RYR2: variants seen among roughly 807,000 people sequenced by gnomAD.
The protein encoded by RYR2 is cardiac muscle ryanodine receptor-calcium release channel.
A neutral mutation model predicts 601.1 loss-of-function variants in RYR2; 227 were observed. The observed-to-expected ratio is 0.38, with a 90% CI of 0.34 to 0.42. RYR2 has a LOEUF of 0.42. RYR2 is among the 10% of genes least tolerant of loss of function. The pLI is 1.00. For missense variants in RYR2, 4,646 were observed against 6,156.5 expected (o/e 0.75, Z 8.21); for synonymous variants, 2,223 against 2,175.1 (o/e 1.02, Z -0.61).
At chr1:237,809,146 A>C in intron 100 of RYR2, 111 bp downstream of exon 100, 1 of 1,031,264 alleles carries the variant, frequency 9.7e-7, no homozygotes, top group South Asian at 1.5e-5. Flanking sequence ...AGTCTAAACA[A>C]ATAAAAAGTT....
At chr1:237,776,669 C>T (rs1442379203) in intron 87 of RYR2, among the ~76,000 whole-genome samples, 2 of 151,500 alleles carry the variant, frequency 1.3e-5, no homozygotes, top group African/African-American at 4.9e-5. Context: ...CTTTCCCTTT[C>T]CCCTCCTGAT....
intron 47 of RYR2, among the ~76,000 whole-genome samples, chr1:237,641,538 T>C (rs1681537664): frequency 1.3e-5 from 2 of 151,356 alleles, no homozygotes; most frequent in Non-Finnish European, 2.9e-5. Flanking sequence ...TTTCTTTCTT[T>C]TCTCTCTTTT....
chr1:237,511,643 C>G, intron 23 of RYR2, 45 bp from the exon 24 acceptor site: 1 of 1,410,786 alleles, frequency 7.1e-7, no homozygotes, highest in Non-Finnish European at 9.8e-7. Flanking sequence ...TTGCTAGTGC[C>G]TGGCATTGGA....
At chr1:237,553,973 C>T (rs1670646107) in intron 27 of RYR2, among the ~76,000 whole-genome samples, 1 of 151,866 alleles carries the variant, frequency 6.6e-6, no homozygotes, top group South Asian at 2.1e-4. Flanking sequence ...CTAAACCTCA[C>T]TTTTTCTTTT....
At chr1:237,187,441 G>A (rs6695076) in intron 1 of RYR2, among the ~76,000 whole-genome samples, 756 of 13,768 alleles carry the variant, frequency 0.055, 9 homozygotes, top group African/African-American at 0.11. Context: ...ACGCCCGGCC[G>A]ACTTTTTTTT....
At chr1:237,390,414 C>T (rs1257972775) in intron 10 of RYR2, among the ~76,000 whole-genome samples, 1 of 152,056 alleles carries the variant, frequency 6.6e-6, no homozygotes, top group African/African-American at 2.4e-5. Flanking sequence ...TAAAATGCAG[C>T]TTAAATATTA....
chr1:237,492,027 T>C, intron 18 of RYR2, 103 bp downstream of exon 18: 1 of 645,982 alleles, frequency 1.5e-6, no homozygotes. Flanking sequence ...TTCATGAGTG[T>C]TTTTAATCTC....
intron 3 of RYR2, among the ~76,000 whole-genome samples, chr1:237,349,596 C>T (rs527757060): frequency 1.3e-4 from 20 of 152,212 alleles, no homozygotes; most frequent in Middle Eastern, 3.4e-3. Flanking sequence ...AAATGCATAA[C>T]GATAATAACT....
intron 80 of RYR2, among the ~76,000 whole-genome samples, chr1:237,748,285 G>A (rs1206446369): frequency 1.3e-5 from 2 of 152,134 alleles, no homozygotes; most frequent in Non-Finnish European, 2.9e-5. Flanking sequence ...ATGCATTACA[G>A]AACAGAACAG....
intron 1 of RYR2, among the ~76,000 whole-genome samples, chr1:237,108,129 T>C (rs754171037): frequency 1.3e-4 from 20 of 152,122 alleles, no homozygotes; most frequent in Non-Finnish European, 1.9e-4. Context: ...TTCTTTAGGG[T>C]AGCATTTCCC....
intron 1 of RYR2, among the ~76,000 whole-genome samples, chr1:237,254,422 A>G (rs1687754341): frequency 6.6e-6 from 1 of 152,236 alleles, no homozygotes; most frequent in African/African-American, 2.4e-5. Context: ...TTTGGAGCTT[A>G]TGCAATAAAC....
chr1:237,631,538 C>A lies in RYR2; in HGVS notation c.6552C>A (p.Ser2184=). The change falls in exon 42 of 105, where the codon TCC becomes TCA. Residue 2184 remains serine, a synonymous_variant. Coordinates refer to ENST00000366574, the MANE Select transcript of RYR2 (RefSeq NM_001035.3). ...VMVNVLGGGE[S]KEITFPKMVA... is the part of the protein sequence containing the mutation. ...TGAACGTCCTTGGAGGTGGAGAGTCCAAGGTAACGTCTTTGATTCCTGAGA... is the reference window on the plus strand; with the variant it reads ...TGAACGTCCTTGGAGGTGGAGAGTCAAAGGTAACGTCTTTGATTCCTGAGA... 6.3e-7 allele frequency: 1 copy of A among 1,577,048 alleles called. No individual in the cohort carries two copies. Among genetic ancestry groups the A allele is most frequent in the Non-Finnish European group, 8.6e-7 (1 of 1,156,682 alleles).
chr1:237,821,765 C>G (rs958266544), intron 101 of RYR2, among the ~76,000 whole-genome samples: 1 of 151,706 alleles, frequency 6.6e-6, no homozygotes, highest in African/African-American at 2.4e-5. Flanking sequence ...TGCAAGGAAG[C>G]TAAGAACTTT....
At chr1:237,406,509 T>C (rs1261147735) in intron 10 of RYR2, among the ~76,000 whole-genome samples, 1 of 151,924 alleles carries the variant, frequency 6.6e-6, no homozygotes, top group African/African-American at 2.4e-5. Flanking sequence ...TTGCAACATT[T>C]ACACATACAC....
chr1:237,660,097 A>G, intron 55 of RYR2, 23 bp downstream of exon 55: 1 of 1,338,046 alleles, frequency 7.5e-7, no homozygotes. Flanking sequence ...TGTTTGTTTT[A>G]GTTTGTAAAG....
At chr1:237,823,493 CACAACGTACCAGA>C (rs1324093839) in intron 101 of RYR2, among the ~76,000 whole-genome samples, 2 of 152,150 alleles carry the variant, frequency 1.3e-5, no homozygotes, top group Non-Finnish European at 2.9e-5. Flanking sequence ...AGAACAAAGA[CACAACGTACCAGA>C]ATCTCTGGGA....
intron 1 of RYR2, among the ~76,000 whole-genome samples, chr1:237,248,287 C>A (rs1477253886): frequency 4.4e-5 from 4 of 90,156 alleles, no homozygotes; most frequent in African/African-American, 1.7e-4. Flanking sequence ...ACCCCGCCCC[C>A]CCCCCCCCCC....
At chr1:237,576,388 T>C (rs1021164957) in intron 29 of RYR2, among the ~76,000 whole-genome samples, 3 of 152,172 alleles carry the variant, frequency 2.0e-5, no homozygotes, top group African/African-American at 7.2e-5. Context: ...AGAGTGGTAT[T>C]GTTGTAGGGA....
chr1:237,461,103 T>G (rs1282575064), intron 16 of RYR2, among the ~76,000 whole-genome samples: 3 of 152,202 alleles, frequency 2.0e-5, no homozygotes, highest in Non-Finnish European at 4.4e-5. Context: ...TTATTGTAGG[T>G]GTATACTGGT....
Sources: gnomAD v4.1 joint callset for allele counts (sites outside exome capture counted in the v4.1 genomes callset) on GRCh38, gnomAD v4.1.1 for gene constraint, MANE v1.5 for transcripts, NCBI Gene and HGNC (gene_info 2026-07-23, HGNC 2026-07-21) for gene names.